Variants in CLEC2A observed in about 807,000 individuals in gnomAD.
CLEC2A encodes the protein keratinocyte-associated C-type lectin.
A neutral mutation model predicts 18.6 loss-of-function variants in CLEC2A; 19 were observed. The ratio of observed to expected loss-of-function variants is 1.02; its 90% confidence interval spans 0.71 to 1.50. The LOEUF (loss-of-function observed/expected upper bound fraction) is 1.50. Among genes scored for constraint, CLEC2A ranks in the 40% most tolerant of loss-of-function variants. The pLI is 0.00. For missense variants in CLEC2A, 190 were observed against 207.9 expected, an observed-to-expected ratio of 0.91 and a Z score of 0.53; for synonymous variants, 74 against 64.0, an observed-to-expected ratio of 1.16 and a Z score of -0.75.
downstream of CLEC2A, among the ~76,000 whole-genome samples, chr12:9,912,814 G>A (rs1418903613): frequency 6.6e-6 from 1 of 152,146 alleles, no homozygotes; most frequent in Non-Finnish European, 1.5e-5. Context: ...ACCTCAGTGG[G>A]CAGACTGGTG....
At chr12:9,912,240 G>A (rs1016688384), downstream of CLEC2A, among the ~76,000 whole-genome samples, 14 of 152,300 alleles carry the variant, frequency 9.2e-5, no homozygotes, top group African/African-American at 3.1e-4. Context: ...GAAGCCCTTG[G>A]GTGGGGAAGG....
chr12:9,893,123 A>G, the CLEC2A span: 3 of 1,535,626 alleles, frequency 2.0e-6, no homozygotes, highest in African/African-American at 4.1e-5. Flanking sequence ...GTGATTGTAC[A>G]CAGCTACAGG....
chr12:9,894,087 TTCTTTC>T (rs1244056686), downstream of CLEC2A, among the ~76,000 whole-genome samples: 1 of 151,618 alleles, frequency 6.6e-6, no homozygotes, highest in African/African-American at 2.4e-5. Context: ...TTCTCTCTTC[TTCTTTC>T]TCTTTCTCTC....
intron 4 of CLEC2A, chr12:9,899,010 A>AAAACATATATCAAAACG (rs1565525632): frequency 4.2e-6 from 3 of 706,978 alleles, no homozygotes; most frequent in South Asian, 1.5e-5. Context: ...GGATTATTAG[A>AAAACATATATCAAAACG]AAACATATAT....
chr12:9,918,570 T>C (rs1863111051), intron 3 of CLEC2A, among the ~76,000 whole-genome samples: 1 of 152,240 alleles, frequency 6.6e-6, no homozygotes, highest in African/African-American at 2.4e-5. Context: ...TAGGATTGCC[T>C]TGGCAATTTG....
Position 9,913,252 on chromosome 12 carries a change from C to T in CLEC2A, c.*314G>A. On this transcript the variant is annotated 3_prime_UTR_variant, in exon 5 of 5. Coordinates refer to ENST00000455827, the MANE Select transcript of CLEC2A (RefSeq NM_001130711.2). ...CTATGTTCTGAGTATTTGGGTCCTC[C>T]CAAAACTCATAAATTGAAAGCTAAT... 1 of 309,744 alleles carries T rather than the reference C, an allele frequency of 3.2e-6. No homozygotes were observed. The highest frequency in any genetic ancestry group is 9.3e-5 in the South Asian group (1 of 10,742). 19.2% of individuals were successfully genotyped at this position (309,744 alleles called of 1,614,324 possible).
the CLEC2A span, chr12:9,888,677 T>A: frequency 1.0e-6 from 1 of 986,280 alleles, no homozygotes; most frequent in Non-Finnish European, 1.5e-6. Flanking sequence ...CTCATGTACC[T>A]AGATTGCTAT....
chr12:9,930,507 C>T, intron 1 of CLEC2A, among the ~76,000 whole-genome samples: 1 of 151,996 alleles, frequency 6.6e-6, no homozygotes, highest in Admixed American at 6.5e-5. Flanking sequence ...TTCTAATAGC[C>T]ACCATTTGAT....
At chr12:9,931,232 A>G (rs1863370363) in intron 1 of CLEC2A, among the ~76,000 whole-genome samples, 1 of 152,192 alleles carries the variant, frequency 6.6e-6, no homozygotes, top group Admixed American at 6.5e-5. Context: ...TATTTGGCTA[A>G]AGGGATGGAA....
In CLEC2A at chr12:9,927,246, C is replaced by T. The variant is rs567596391; in HGVS notation, c.56-903G>A. ...GGATAGCATGTTATCGTACTAATTA[C>T]TGCAGGCAATTATAACACAATGCTA... On this transcript the variant is annotated intron_variant, in intron 1 of 4. Coordinates refer to ENST00000455827, the MANE Select transcript of CLEC2A (RefSeq NM_001130711.2). Among the ~76,000 whole-genome samples the T allele has an allele frequency of 7.2e-5, 11 of 152,298 alleles. No homozygotes were observed. The East Asian group carries it at 7.7e-4, about 11-fold the overall frequency.
At chr12:9,914,643 G>T (rs1863040542) in intron 4 of CLEC2A, among the ~76,000 whole-genome samples, 1 of 152,064 alleles carries the variant, frequency 6.6e-6, no homozygotes, top group Non-Finnish European at 1.5e-5. Flanking sequence ...AATGGCGCTG[G>T]GAAAACTGGC....
intron 2 of CLEC2A, among the ~76,000 whole-genome samples, chr12:9,922,804 T>G (rs1863195576): frequency 6.6e-6 from 1 of 152,184 alleles, no homozygotes; most frequent in African/African-American, 2.4e-5. Flanking sequence ...GTATTCAGAA[T>G]AAGACAAGTC....
At chr12:9,914,463 A>G (rs867560320) in intron 4 of CLEC2A, among the ~76,000 whole-genome samples, 5 of 152,192 alleles carry the variant, frequency 3.3e-5, no homozygotes, top group Non-Finnish European at 7.4e-5. Context: ...ACTTCAAACC[A>G]TGCTACAAGG....
chr12:9,911,030 G>A (rs1006380430), downstream of CLEC2A, among the ~76,000 whole-genome samples: 2 of 152,204 alleles, frequency 1.3e-5, no homozygotes, highest in Non-Finnish European at 2.9e-5. Flanking sequence ...GCAGCACACT[G>A]AACAAAGGAG....
At chr12:9,895,116 T>C (rs1862741370), downstream of CLEC2A, among the ~76,000 whole-genome samples, 1 of 152,136 alleles carries the variant, frequency 6.6e-6, no homozygotes, top group African/African-American at 2.4e-5. Flanking sequence ...AATTTAAGAG[T>C]CATCTAATAG....
intron 3 of CLEC2A, among the ~76,000 whole-genome samples, chr12:9,920,569 G>T (rs952454226): frequency 2.0e-5 from 3 of 152,100 alleles, no homozygotes; most frequent in Non-Finnish European, 2.9e-5. Flanking sequence ...TTGTCTATGG[G>T]TTGAGTTGTT....
At position 9,915,840 on chromosome 12, in the gene CLEC2A, C is replaced by T. The variant is rs552438244; in HGVS notation, c.410+860G>A. On this transcript the variant is annotated intron_variant, in intron 4 of 4. Transcript: ENST00000455827. Reference sequence around the variant, plus strand: ...CTATGTAACAAACCTACACATTTTGCATTTGTATCCCAGAACTTACAGTAA... The same window carrying T: ...CTATGTAACAAACCTACACATTTTGTATTTGTATCCCAGAACTTACAGTAA... Among the ~76,000 whole-genome samples the T allele has an allele frequency of 3.3e-5, 5 of 152,164 alleles. No individual in the cohort carries two copies. The South Asian group carries it at 8.3e-4, about 25-fold the overall frequency.
At chr12:9,901,491 T>A (rs553534601) in intron 4 of CLEC2A, among the ~76,000 whole-genome samples, 22 of 152,280 alleles carry the variant, frequency 1.4e-4, no homozygotes, top group East Asian at 3.9e-4. Context: ...AGAAATCCCA[T>A]ACAATTTTAG....
intron 1 of CLEC2A, among the ~76,000 whole-genome samples, chr12:9,929,513 T>A (rs2137058766): frequency 6.6e-6 from 1 of 152,314 alleles, no homozygotes; most frequent in East Asian, 1.9e-4. Context: ...CTTGTTGTTA[T>A]CAAATGCACT....
Sources: allele counts gnomAD v4.1 joint callset (sites outside exome capture counted in the v4.1 genomes callset), GRCh38; gene constraint gnomAD v4.1.1; transcripts MANE v1.5; gene names NCBI Gene and HGNC (gene_info 2026-07-23, HGNC 2026-07-21).